NLRC5: variants seen among roughly 807,000 people sequenced by gnomAD.
The protein encoded by NLRC5 is protein NLRC5.
Under a neutral mutation model 206.9 loss-of-function variants are expected in NLRC5, and 114 were observed. That is an observed-to-expected ratio of 0.55 (90% CI 0.47 to 0.64). NLRC5 has a LOEUF of 0.64. NLRC5 is among the 30% of genes least tolerant of loss of function. The pLI is 0.00. For missense variants in NLRC5, 2,008 were observed against 2,305.5 expected (o/e 0.87, Z 2.64); for synonymous variants, 952 against 962.8 (o/e 0.99, Z 0.21).
intron 18 of NLRC5, 79 bp from the exon 19 acceptor site, chr16:57,041,903 A>G: frequency 4.3e-6 from 4 of 940,846 alleles, no homozygotes; most frequent in Non-Finnish European, 4.7e-6. Flanking sequence ...AAGTTGAGTA[A>G]CTGGAATGCA....
chr16:57,054,863 C>T (rs1381243360), intron 25 of NLRC5, 23 bp downstream of exon 25: 2 of 1,611,084 alleles, frequency 1.2e-6, no homozygotes, highest in South Asian at 2.2e-5. Context: ...CTGGGACAGC[C>T]AGGACTCGTC....
In NLRC5 at chr16:57,026,604, G is replaced by A; in HGVS notation, c.1661G>A (p.Arg554Lys). Residue 554 changes from arginine to lysine, a missense_variant, in exon 6 of 49, where the codon AGA (arginine) becomes AAA (lysine). Physicochemically the swap from Arg to Lys is conservative, Grantham distance 26. Transcript: ENST00000688547. ...CGCTGGGTACAGCGGACCAAAGCTA[G>A]ACTGGGCCTCTCAGACCACCTCCCC... is the stretch of plus-strand genomic sequence containing the variant. ...HSRWVQRTKA[R>K]LGLSDHLPTF... The A allele has an allele frequency of 6.2e-7, 1 of 1,614,208 alleles. No individual in the cohort carries two copies. Among genetic ancestry groups the A allele is most frequent in the Non-Finnish European group, 8.5e-7 (1 of 1,180,038 alleles).
intron 1 of NLRC5, among the ~76,000 whole-genome samples, chr16:57,014,679 T>C (rs2059842873): frequency 6.6e-6 from 1 of 152,240 alleles, no homozygotes; most frequent in Non-Finnish European, 1.5e-5. Flanking sequence ...TCACTTTCTG[T>C]GGTCGAAGGC....
intron 38 of NLRC5, 110 bp from the exon 39 acceptor site, chr16:57,074,490 G>A (rs2068120751): frequency 2.4e-6 from 2 of 847,212 alleles, no homozygotes; most frequent in East Asian, 2.5e-5. Context: ...GTGGATATAA[G>A]TGGCTGTCTT....
chr16:57,078,095 C>G lies in NLRC5; in HGVS notation c.5081+75C>G, dbSNP rs181608862. On this transcript the variant is annotated intron_variant, in intron 43 of 48. Transcript: ENST00000688547. ...CTCGGGAGCAGTGGGGGGGTCCAGG[C>G]CCCCATCAGTTGAGCTGCCCTGCCC... 3.1e-5 allele frequency: 36 copies of G among 1,165,148 alleles called. No homozygotes were observed. The South Asian group carries it at 3.5e-4, about 11-fold the overall frequency. 72.2% of individuals were successfully genotyped at this position (1,165,148 alleles called of 1,614,324 possible).
chr16:57,021,124 C>A (rs759262585), intron 3 of NLRC5, 117 bp downstream of exon 3: 34 of 878,302 alleles, frequency 3.9e-5, no homozygotes, highest in Non-Finnish European at 5.7e-5. Flanking sequence ...GCCACGATCT[C>A]AACTCTATAT....
intron 15 of NLRC5, among the ~76,000 whole-genome samples, chr16:57,038,521 G>C (rs966313357): frequency 6.6e-6 from 1 of 152,112 alleles, no homozygotes; most frequent in Non-Finnish European, 1.5e-5. Flanking sequence ...GCCTCCCAAA[G>C]AGCAAGGATT....
intron 20 of NLRC5, chr16:57,043,876 C>G: frequency 2.0e-6 from 1 of 497,764 alleles, no homozygotes; most frequent in East Asian, 3.4e-5. Context: ...TTGGATAGTC[C>G]TTAGAGATTT....
At position 57,015,645 on chromosome 16, in the gene NLRC5, A is replaced by C. The variant is rs185307787; in HGVS notation, c.-127-1429A>C. Reference sequence around the variant, plus strand: ...AAATAAATAAATAAATAAAGGAAAGAGGCTGGGCACAGTGGCTCATGCCTA... The same window carrying C: ...AAATAAATAAATAAATAAAGGAAAGCGGCTGGGCACAGTGGCTCATGCCTA... On this transcript the variant is annotated intron_variant, in intron 1 of 48. Coordinates refer to ENST00000688547, the MANE Select transcript of NLRC5 (RefSeq NM_001384950.1). 3.2e-4 allele frequency among the ~76,000 whole-genome samples: 49 copies of C among 151,706 alleles called. No individual in the cohort carries two copies. The East Asian group carries it at 9.3e-3, about 29-fold the overall frequency.
At position 57,058,160 on chromosome 16, in the gene NLRC5, G is replaced by A. The variant is rs541569942; in HGVS notation, c.3830+12G>A. ...TCCGGTTTGCTTGAGTAAGTGGAAA[G>A]CAGCATAAAGGACAGATAGCAAGGA... is the stretch of plus-strand genomic sequence containing the variant. On this transcript the variant is annotated intron_variant, in intron 28 of 48. Coordinates refer to ENST00000688547, the MANE Select transcript of NLRC5 (RefSeq NM_001384950.1). 1 of 1,600,268 alleles carries A rather than the reference G, an allele frequency of 6.2e-7. No homozygotes were observed. Among genetic ancestry groups the A allele is most frequent in the South Asian group, 1.1e-5 (1 of 89,286 alleles).
At chr16:57,029,711 A>G (rs1242754053) in intron 8 of NLRC5, 62 bp from the exon 9 acceptor site, 1 of 1,428,302 alleles carries the variant, frequency 7.0e-7, no homozygotes, top group East Asian at 2.3e-5. Flanking sequence ...GTCACTTGCT[A>G]ACTGGGGCTT....
At chr16:57,055,854 T>A (rs2065594218) in intron 27 of NLRC5, among the ~76,000 whole-genome samples, 1 of 152,196 alleles carries the variant, frequency 6.6e-6, no homozygotes, top group Non-Finnish European at 1.5e-5. Flanking sequence ...AAGTACCGGA[T>A]GACTCTGCCT....
rs752071811 is a variant in NLRC5 at position 57,026,926 on chromosome 16, G to A, written c.1983G>A (p.Arg661=). The change falls in exon 6 of 49, where the codon AGG becomes AGA. Residue 661 remains arginine (R), a synonymous_variant. Coordinates refer to ENST00000688547, the MANE Select transcript of NLRC5 (RefSeq NM_001384950.1). The stretch of plus-strand genomic sequence containing the variant: ...CCCTGACCAACATCCTAGAGCACAG[G>A]GAGGCCCCCATCCACCTGGATTTTG... ...LATLTNILEH[R]EAPIHLDFDG... The A allele has an allele frequency of 6.2e-7, 1 of 1,614,164 alleles. No homozygotes were observed. Among genetic ancestry groups the A allele is most frequent in the South Asian group, 1.1e-5 (1 of 91,090 alleles).
rs199476005 is a variant in NLRC5, at chr16:57,061,724, C to T, written c.4154+23C>T. ...CAGGTACCTCCTCCCCCGCTGCCTC[C>T]GGGAGGGGCCATGGCATGAATGGGA... On this transcript the variant is annotated intron_variant, in intron 32 of 48. Transcript: ENST00000688547. The T allele has an allele frequency of 2.8e-5, 45 of 1,589,774 alleles. No homozygotes were observed. Among genetic ancestry groups the T allele is most frequent in the East Asian group, 1.8e-4 (8 of 44,718 alleles).
chr16:57,035,172 C>T (rs1161088095), intron 13 of NLRC5, among the ~76,000 whole-genome samples: 1 of 152,192 alleles, frequency 6.6e-6, no homozygotes, highest in African/African-American at 2.4e-5. Context: ...CCTTGCCCTT[C>T]TCCCACATTT....
chr16:57,000,828 C>A (rs774515231), intron 1 of NLRC5, among the ~76,000 whole-genome samples: 1 of 152,180 alleles, frequency 6.6e-6, no homozygotes, highest in Non-Finnish European at 1.5e-5. Flanking sequence ...CTAACCATTC[C>A]TGAAGGCACC....
In NLRC5 at chr16:57,059,500, C is replaced by T. The variant is rs1387508154; in HGVS notation, c.3954C>T (p.Phe1318=). ...LGSEQSFRIH[F]SREDQAGKTL... ...CTGAGCAGAGCTTCCGGATTCACTT[C>T]TCCAGAGAGGACCAGGCTGGGAAGA... The change falls in exon 30 of 49, where the codon TTC becomes TTT. Residue 1318 remains phenylalanine, a synonymous_variant. Coordinates refer to ENST00000688547, the MANE Select transcript of NLRC5 (RefSeq NM_001384950.1). 1 of 1,612,204 alleles carries T rather than the reference C, an allele frequency of 6.2e-7. No individual in the cohort carries two copies. The highest frequency in any genetic ancestry group is 1.7e-5 in the Admixed American group (1 of 59,770).
chr16:57,074,146 G>A (rs2068086629), intron 38 of NLRC5: 1 of 161,388 alleles, frequency 6.2e-6, no homozygotes, highest in African/African-American at 2.4e-5. Flanking sequence ...ACATATGGTT[G>A]GGGCTCAGGA....
chr16:57,082,261 C>T lies in NLRC5; in HGVS notation c.5490-156C>T, dbSNP rs75535316. ...ACTCAGGAGGCAGGTGTGGGGTACA[C>T]CCTCTCCCTAGGTCAGCTATGCTGG... On this transcript the variant is annotated intron_variant, in intron 48 of 48. Coordinates refer to ENST00000688547, the MANE Select transcript of NLRC5 (RefSeq NM_001384950.1). 8.2e-3 allele frequency among the ~76,000 whole-genome samples: 1,255 copies of T among 152,270 alleles called. 23 individuals are homozygous for T. Among genetic ancestry groups the T allele is most frequent in the African/African-American group, 0.023 (975 of 41,554 alleles).
Sources: gnomAD v4.1 joint callset for allele counts (sites outside exome capture counted in the v4.1 genomes callset) on GRCh38, gnomAD v4.1.1 for gene constraint, MANE v1.5 for transcripts, NCBI Gene and HGNC (gene_info 2026-07-23, HGNC 2026-07-21) for gene names.